CCDC91: variants seen among roughly 807,000 people sequenced by gnomAD.
The protein encoded by CCDC91 is coiled-coil domain-containing protein 91.
Under a neutral mutation model 63.2 loss-of-function variants are expected in CCDC91, and 48 were observed. The ratio of observed to expected loss-of-function variants is 0.76; its 90% confidence interval spans 0.60 to 0.97. CCDC91 has a LOEUF of 0.97. CCDC91 is among the 50% of genes least tolerant of loss of function. The pLI is 0.00. For synonymous variants in CCDC91, 167 were observed against 165.8 expected (o/e 1.01, Z -0.06); for missense variants, 500 against 494.6 (o/e 1.01, Z -0.10).
At chr12:28,209,610 T>C (rs746050650) in intron 1 of CCDC91, among the ~76,000 whole-genome samples, 23 of 152,114 alleles carry the variant, frequency 1.5e-4, no homozygotes, top group Non-Finnish European at 2.9e-4. Flanking sequence ...TTTGTATTTT[T>C]AGTAGAGACA....
intron 3 of CCDC91, among the ~76,000 whole-genome samples, chr12:28,275,553 C>T (rs1297189822): frequency 6.6e-6 from 1 of 152,126 alleles, no homozygotes; most frequent in Non-Finnish European, 1.5e-5. Flanking sequence ...CAAGGAGGGG[C>T]TGATACCATT....
rs1460139642 is a variant in CCDC91, at chr12:28,308,486, C to T, written c.576+737C>T. ...TGTCATTATTCTGTTCTAAAACCTT[C>T]GTGGGCTTCTTATCTTTCCCACACT... On this transcript the variant is annotated intron_variant, in intron 6 of 12. Transcript: ENST00000536442. Among the ~76,000 whole-genome samples the T allele has an allele frequency of 3.3e-5, 5 of 152,014 alleles. No individual in the cohort carries two copies. The East Asian group carries it at 7.7e-4, about 24-fold the overall frequency.
At chr12:28,539,454 C>G (rs369011402) in intron 12 of CCDC91, among the ~76,000 whole-genome samples, 74 of 152,164 alleles carry the variant, frequency 4.9e-4, no homozygotes, top group African/African-American at 7.5e-4. Context: ...CTGTTCTGTT[C>G]CATTGGTCTA....
intron 12 of CCDC91, among the ~76,000 whole-genome samples, chr12:28,523,501 A>G (rs1362946111): frequency 6.6e-6 from 1 of 152,076 alleles, no homozygotes; most frequent in Admixed American, 6.6e-5. Flanking sequence ...TGAATACAGC[A>G]CACTGATGGG....
chr12:28,504,733 A>G (rs1472831511), intron 12 of CCDC91, among the ~76,000 whole-genome samples: 2 of 151,940 alleles, frequency 1.3e-5, no homozygotes, highest in East Asian at 3.9e-4. Flanking sequence ...CTACGTATGT[A>G]GGCATGCTTA....
chr12:28,204,600 A>T lies in CCDC91; in HGVS notation c.-15+13959A>T, dbSNP rs573591401. Among the ~76,000 whole-genome samples, 8 of 152,270 alleles carry T rather than the reference A, an allele frequency of 5.3e-5. 1 individual carries two copies. The highest frequency in any genetic ancestry group is 1.9e-4 in the African/African-American group (8 of 41,564). ...CTGCATTTTTTTGTGAGGGAAAGTC[A>T]TGTTAGGTATTTCTAAGATGTATTT... On this transcript the variant is annotated intron_variant, in intron 1 of 12. Transcript: ENST00000536442.
At chr12:28,312,286 C>T (rs527650613) in intron 6 of CCDC91, among the ~76,000 whole-genome samples, 27 of 151,054 alleles carry the variant, frequency 1.8e-4, no homozygotes, top group African/African-American at 6.3e-4. Context: ...ATGGATAATT[C>T]GAAATGGGAG....
At chr12:28,276,422 C>A (rs1948229541) in intron 3 of CCDC91, among the ~76,000 whole-genome samples, 1 of 151,916 alleles carries the variant, frequency 6.6e-6, no homozygotes. Context: ...TCATACTTCA[C>A]AAGTGCATGA....
intron 3 of CCDC91, among the ~76,000 whole-genome samples, chr12:28,263,633 A>C (rs1946977617): frequency 6.6e-6 from 1 of 152,018 alleles, no homozygotes; most frequent in African/African-American, 2.4e-5. Flanking sequence ...GACTATTGCA[A>C]ATAATGCTGC....
At chr12:28,479,275 A>G (rs1310724104) in intron 11 of CCDC91, among the ~76,000 whole-genome samples, 2 of 152,214 alleles carry the variant, frequency 1.3e-5, no homozygotes, top group Non-Finnish European at 2.9e-5. Flanking sequence ...ATGGAATACT[A>G]TGCAGCCATA....
chr12:28,313,028 G>T (rs1939483862), intron 6 of CCDC91, among the ~76,000 whole-genome samples: 1 of 151,872 alleles, frequency 6.6e-6, no homozygotes, highest in Non-Finnish European at 1.5e-5. Context: ...TTCTTGTTTG[G>T]ATTTATGGTC....
chr12:28,538,137 G>A (rs1170216534), intron 12 of CCDC91, among the ~76,000 whole-genome samples: 1 of 148,730 alleles, frequency 6.7e-6, no homozygotes, highest in Non-Finnish European at 1.5e-5. Flanking sequence ...TTAAGTTTTA[G>A]GGTACATGTG....
intron 12 of CCDC91, among the ~76,000 whole-genome samples, chr12:28,518,472 G>C (rs1940209122): frequency 6.6e-6 from 1 of 151,700 alleles, no homozygotes; most frequent in Non-Finnish European, 1.5e-5. Context: ...ATTGTGTAAA[G>C]TCCTTAGCCC....
At chr12:28,355,921 T>TTA (rs1346417200) in intron 6 of CCDC91, among the ~76,000 whole-genome samples, 2 of 152,172 alleles carry the variant, frequency 1.3e-5, no homozygotes, top group African/African-American at 4.8e-5. Flanking sequence ...AGGGACAATC[T>TTA]TATTAAGGGC....
intron 11 of CCDC91, among the ~76,000 whole-genome samples, chr12:28,463,441 A>C (rs1462856504): frequency 1.3e-5 from 2 of 152,212 alleles, no homozygotes; most frequent in African/African-American, 4.8e-5. Context: ...TTTTTATGGA[A>C]GATGAACTGG....
chr12:28,292,943 G>A (rs1592224716), intron 3 of CCDC91, among the ~76,000 whole-genome samples: 2 of 152,138 alleles, frequency 1.3e-5, no homozygotes, highest in Non-Finnish European at 1.5e-5. Context: ...GTCATTTTAG[G>A]ATGCTGAGTC....
chr12:28,543,566 G>C (rs948610005), intron 12 of CCDC91, among the ~76,000 whole-genome samples: 3 of 151,986 alleles, frequency 2.0e-5, no homozygotes, highest in African/African-American at 7.2e-5. Context: ...ACATCCCCGA[G>C]TGTCCCAGGA....
At chr12:28,400,679 C>G (rs549669828) in intron 8 of CCDC91, among the ~76,000 whole-genome samples, 98 of 152,186 alleles carry the variant, frequency 6.4e-4, no homozygotes, top group African/African-American at 2.3e-3. Context: ...TTAACAGCAC[C>G]CAAGTCACCA....
chr12:28,285,583 A>G (rs1358521800), intron 3 of CCDC91, among the ~76,000 whole-genome samples: 1 of 151,782 alleles, frequency 6.6e-6, no homozygotes, highest in Non-Finnish European at 1.5e-5. Flanking sequence ...GCAATTTGCC[A>G]ATAGGACTGG....
Sources: gnomAD v4.1 joint callset for allele counts (sites outside exome capture counted in the v4.1 genomes callset) on GRCh38, gnomAD v4.1.1 for gene constraint, MANE v1.5 for transcripts, NCBI Gene and HGNC (gene_info 2026-07-23, HGNC 2026-07-21) for gene names.